The following KCNH2 variants were observed in gnomAD, a reference collection of about 807,000 sequenced individuals.
The protein encoded by KCNH2 is voltage-gated inwardly rectifying potassium channel KCNH2.
Under a neutral mutation model 95.9 loss-of-function variants are expected in KCNH2, and 35 were observed. The ratio of observed to expected loss-of-function variants is 0.37; its 90% CI spans 0.28 to 0.48. KCNH2 has a LOEUF of 0.48. Among genes scored for constraint, KCNH2 ranks in the 20% least tolerant of loss-of-function variants. The probability of loss-of-function intolerance (pLI) is 0.99; values close to 1 mark genes in which losing one functional copy is unlikely to be tolerated. For synonymous variants in KCNH2, 786 were observed against 754.7 expected, an observed-to-expected ratio of 1.04 and a Z score of -0.68; for missense variants, 1,274 against 1,702.9, an observed-to-expected ratio of 0.75 and a Z score of 4.43.
chr7:150,958,225 C>G lies in KCNH2; in HGVS notation c.750G>C (p.Ser250=), dbSNP rs1801446337. The change falls in exon 4 of 15, where the codon TCG becomes TCC. Residue 250 remains serine, a synonymous_variant. Transcript: ENST00000262186. The part of the protein sequence containing the change: ...PPRSAPGQLP[S]PRAHSLNPDA... ...CGGGGTTGAGGCTGTGCGCCCGGGG[C>G]GATGGGAGCTGGCCGGGCGCGCTGC... 2 of 1,374,354 alleles carry G rather than the reference C, an allele frequency of 1.5e-6. No individual in the cohort carries two copies. The highest frequency in any genetic ancestry group is 1.7e-5 in the South Asian group (1 of 58,352). 85.1% of individuals were successfully genotyped at this position (1,374,354 alleles called of 1,614,324 possible). A position where few individuals can be genotyped will look rare whatever the true frequency, so the allele number is the denominator to read the frequency against.
Position 150,952,865 on chromosome 7 carries a change from G to A in KCNH2, c.1129-12C>T. The A allele has an allele frequency of 1.9e-6, 3 of 1,611,716 alleles. No homozygotes were observed. The highest frequency in any genetic ancestry group is 1.1e-5 in the South Asian group (1 of 91,070). On this transcript the variant is annotated splice_polypyrimidine_tract_variant and intron_variant, in intron 5 of 14. Transcript: ENST00000262186. The surrounding 1 kb of genome is among the most constrained non-coding windows in gnomAD (Gnocchi z 7.3). ...CCCAGGGACAGGACCTGCACCCGGG[G>A]AAGGCGGAGGTGTGGGTGAGGCAGG...
Position 150,951,657 on chromosome 7 carries a change from A to C in KCNH2, c.1736T>G (p.Met579Arg). 1 of 1,614,210 alleles carries C rather than the reference A, an allele frequency of 6.2e-7. No individual in the cohort carries two copies. The highest frequency in any genetic ancestry group is 8.5e-7 in the Non-Finnish European group (1 of 1,180,040). Residue 579 changes from methionine to arginine, a missense_variant, in exon 7 of 15, where the codon ATG becomes AGG. Around this residue, in one of 7 missense-constraint regions of KCNH2, gnomAD observed 147 missense variants for 344.4 expected, o/e 0.43. Coordinates refer to ENST00000262186, the MANE Select transcript of KCNH2 (RefSeq NM_000238.4). ...GTGCAGCCAGCCGATGCGTGAGTCCATGTGTGGCTGCTCCATGTTGCCGAT... is the reference window on the plus strand; with the variant it reads ...GTGCAGCCAGCCGATGCGTGAGTCCCTGTGTGGCTGCTCCATGTTGCCGAT... ...YAIGNMEQPH[M>R]DSRIGWLHNL...
intron 5 of KCNH2, chr7:150,955,798 C>T (rs993581354): frequency 2.9e-5 from 34 of 1,165,714 alleles, no homozygotes; most frequent in African/African-American, 6.4e-5. Flanking sequence ...CAGCAGCGGC[C>T]GCACTCGGAA....
chr7:150,948,792 G>T, intron 10 of KCNH2, 64 bp downstream of exon 10: 1 of 1,451,346 alleles, frequency 6.9e-7, no homozygotes, highest in Non-Finnish European at 9.7e-7. Context: ...ATGTCACACA[G>T]CAAAGGGGCA....
Position 150,946,136 on chromosome 7 carries a change from G to A in KCNH2, c.3331-622C>T, listed in dbSNP as rs1014308445. On this transcript the variant is annotated intron_variant, in intron 14 of 14. Coordinates refer to ENST00000262186, the MANE Select transcript of KCNH2 (RefSeq NM_000238.4). The surrounding 1 kb of genome is among the most constrained non-coding windows in gnomAD (Gnocchi z 6.5). ...GAGGGGGGAGCGGATGCCAAGGGAAGTGGGGAGGGAGCAGATCCCAGGCCG... is the reference window on the plus strand; with the variant it reads ...GAGGGGGGAGCGGATGCCAAGGGAAATGGGGAGGGAGCAGATCCCAGGCCG... 1.3e-5 allele frequency among the ~76,000 whole-genome samples: 2 copies of A among 152,146 alleles called. No homozygotes were observed. Among genetic ancestry groups the A allele is most frequent in the African/African-American group, 4.8e-5 (2 of 41,420 alleles).
Position 150,948,538 on chromosome 7 carries a change from G to A in KCNH2, c.2598C>T (p.Asn866=), listed in dbSNP as rs906593827. 1.9e-6 allele frequency: 3 copies of A among 1,613,480 alleles called. No individual in the cohort carries two copies. In the Admixed American group the frequency reaches 5.0e-5, roughly 27 times the overall value. Residue 866 remains asparagine, a synonymous_variant, in exon 11 of 15, where the codon AAC becomes AAT. Transcript: ENST00000262186. ...LEITFNLRDT[N]MIPGSPGSTE... is the part of the protein sequence containing the mutation. Reference sequence around the variant, plus strand: ...TACTGCCGGGGGAGCCCGGGATCATGTTGGTCTGGAACCAAAATCAGTATC... The same window carrying A: ...TACTGCCGGGGGAGCCCGGGATCATATTGGTCTGGAACCAAAATCAGTATC...
In KCNH2 at chr7:150,947,827, G is replaced by A. The variant is rs199473437; in HGVS notation, c.2744C>T (p.Ala915Val). ...VSALGPGRAG[A>V]GPSSRGRPGG... is the part of the protein sequence containing the mutation. The stretch of plus-strand genomic sequence containing the variant: ...CGGCCGGCCCCGGCTACTCGGCCCT[G>A]CCCCCGCCCGGCCCGGCCCCAAGGC... The change falls in exon 12 of 15, where the codon GCA (alanine) becomes GTA (valine). Residue 915 changes from alanine (A) to valine (V), a missense_variant. This residue lies in a region of KCNH2 where 457 missense variants were observed against 416.1 expected (regional missense o/e 1.10). Transcript: ENST00000262186. 2 of 1,525,490 alleles carry A rather than the reference G, an allele frequency of 1.3e-6. No homozygotes were observed. Among genetic ancestry groups the A allele is most frequent in the African/African-American group, 1.4e-5 (1 of 72,656 alleles). 94.5% of individuals were successfully genotyped at this position (1,525,490 alleles called of 1,614,324 possible).
rs1166848403 is a variant in KCNH2 at position 150,947,780 on chromosome 7, G to A, written c.2791C>T (p.Pro931Ser). Residue 931 changes from proline (P) to serine (S), a missense_variant, in exon 12 of 15, where the codon CCG (proline) becomes TCG (serine). Around this residue, in one of 7 missense-constraint regions of KCNH2, gnomAD observed 457 missense variants for 416.1 expected, o/e 1.10. Coordinates refer to ENST00000262186, the MANE Select transcript of KCNH2 (RefSeq NM_000238.4). ...TCAGGGCTGGAGGGGCCACTGGACG[G>A]GCTCTCCCCCCACGGCCCCCCCGGC... ...GRPGGPWGESPSSGPSSPESS... is the reference protein window; with the variant it reads ...GRPGGPWGESSSSGPSSPESS... The A allele has an allele frequency of 6.5e-7, 1 of 1,536,668 alleles. No homozygotes were observed.
intron 2 of KCNH2, among the ~76,000 whole-genome samples, chr7:150,964,812 C>T (rs1015827094): frequency 6.6e-6 from 1 of 152,228 alleles, no homozygotes; most frequent in Non-Finnish European, 1.5e-5. Flanking sequence ...AGGCTGTCTC[C>T]GGAGCAGCAG....
At chr7:150,959,807 AC>A in intron 2 of KCNH2, 71 bp from the exon 3 acceptor site, 1 of 1,573,976 alleles carries the variant, frequency 6.4e-7, no homozygotes, top group Non-Finnish European at 8.7e-7. Context: ...CGCAGGATGG[AC>A]CCTGGAACCC....
At chr7:150,958,550 G>T in intron 3 of KCNH2, 48 bp from the exon 4 acceptor site, 1 of 1,448,248 alleles carries the variant, frequency 6.9e-7, no homozygotes, top group South Asian at 1.3e-5. Context: ...GAGCAGCCCC[G>T]GAGCGGGCAA....
rs1801410026 is a variant in KCNH2 at position 150,957,402 on chromosome 7, G to A, written c.1017C>T (p.Asn339=). The A allele has an allele frequency of 6.2e-7, 1 of 1,614,180 alleles. No individual in the cohort carries two copies. Among genetic ancestry groups the A allele is most frequent in the Non-Finnish European group, 8.5e-7 (1 of 1,179,964 alleles). ...AGGGGTCGCCCTTGAGGTCCACAAA[G>A]TTGAGGGTGATTTGGGGAATCTTGC... ...TISKIPQITL[N]FVDLKGDPFL... Residue 339 remains asparagine (N), a synonymous_variant, in exon 5 of 15, where the codon AAC becomes AAT. Coordinates refer to ENST00000262186, the MANE Select transcript of KCNH2 (RefSeq NM_000238.4).
chr7:150,975,072 G>C (rs1225282427), intron 1 of KCNH2, 131 bp from the exon 2 acceptor site: 1 of 658,646 alleles, frequency 1.5e-6, no homozygotes, highest in Non-Finnish European at 2.2e-6. Flanking sequence ...CTGGGACTGG[G>C]GTCCCAGCAG....
intron 2 of KCNH2, among the ~76,000 whole-genome samples, chr7:150,966,960 T>A (rs1293605236): frequency 1.3e-5 from 2 of 152,170 alleles, no homozygotes; most frequent in Non-Finnish European, 2.9e-5. Flanking sequence ...TTCCAAGAAT[T>A]CAATAAACTT....
At chr7:150,947,258 C>T in intron 13 of KCNH2, 70 bp downstream of exon 13, 3 of 1,349,328 alleles carry the variant, frequency 2.2e-6, no homozygotes, top group Non-Finnish European at 3.0e-6. Context: ...TCTCCCTCTA[C>T]CAGACAACAC....
intron 9 of KCNH2, chr7:150,949,262 G>T: frequency 4.7e-6 from 4 of 843,268 alleles, no homozygotes; most frequent in Non-Finnish European, 5.7e-6. Flanking sequence ...GGGGCCAGGA[G>T]CCCAGGGTCT....
At chr7:150,975,318 G>A (rs989585117) in intron 1 of KCNH2, among the ~76,000 whole-genome samples, 2 of 152,238 alleles carry the variant, frequency 1.3e-5, no homozygotes, top group Non-Finnish European at 2.9e-5. Flanking sequence ...GGGAGCCTGG[G>A]AAAGGCCAGA....
chr7:150,947,829 C>G lies in KCNH2; in HGVS notation c.2742G>C (p.Gly914=). 1.3e-6 allele frequency: 2 copies of G among 1,525,382 alleles called. No homozygotes were observed. Among genetic ancestry groups the G allele is most frequent in the Non-Finnish European group, 1.8e-6 (2 of 1,142,184 alleles). 94.5% of individuals were successfully genotyped at this position (1,525,382 alleles called of 1,614,324 possible). ...EVSALGPGRA[G]AGPSSRGRPG... Reference sequence around the variant, plus strand: ...GCCGGCCCCGGCTACTCGGCCCTGCCCCCGCCCGGCCCGGCCCCAAGGCCG... The same window carrying G: ...GCCGGCCCCGGCTACTCGGCCCTGCGCCCGCCCGGCCCGGCCCCAAGGCCG... Residue 914 remains glycine, a synonymous_variant, in exon 12 of 15, where the codon GGG becomes GGC. Coordinates refer to ENST00000262186, the MANE Select transcript of KCNH2 (RefSeq NM_000238.4).
intron 2 of KCNH2, among the ~76,000 whole-genome samples, chr7:150,971,964 G>A (rs1353416266): frequency 6.6e-6 from 1 of 152,048 alleles, no homozygotes; most frequent in Non-Finnish European, 1.5e-5. Flanking sequence ...CCTCCCCAGG[G>A]CCTTGCGGGG....
Sources: allele counts gnomAD v4.1 joint callset (sites outside exome capture counted in the v4.1 genomes callset), GRCh38; gene constraint gnomAD v4.1.1; regional missense constraint gnomAD v4.1.1; non-coding constraint Gnocchi (gnomAD v3.1); transcripts MANE v1.5; gene names NCBI Gene and HGNC (gene_info 2026-07-23, HGNC 2026-07-21).